The following ATG16L2 variants were observed in gnomAD, a reference collection of about 807,000 sequenced individuals.
ATG16L2 encodes the protein autophagy related 16 like 2.
A neutral mutation model predicts 84.7 loss-of-function variants in ATG16L2; 77 were observed. The observed-to-expected ratio is 0.91, with a 90% confidence interval of 0.76 to 1.10. The LOEUF is 1.10. Ranked by LOEUF, ATG16L2 falls within the 50% of genes least tolerant of loss-of-function variation. The pLI is 0.00. For missense variants in ATG16L2, 782 were observed against 817.6 expected, an observed-to-expected ratio of 0.96 and a Z score of 0.53; for synonymous variants, 361 against 342.8, an observed-to-expected ratio of 1.05 and a Z score of -0.59.
chr11:72,828,041 T>C (rs545152613), intron 14 of ATG16L2, among the ~76,000 whole-genome samples: 2 of 152,392 alleles, frequency 1.3e-5, no homozygotes, highest in Admixed American at 6.5e-5. Context: ...AATTACTGTT[T>C]GCAACCCTTC....
At chr11:72,823,240 C>G (rs370916472) in intron 7 of ATG16L2, 2 of 395,300 alleles carry the variant, frequency 5.1e-6, no homozygotes, top group Non-Finnish European at 9.3e-6. Context: ...ATAGCTGTCA[C>G]CAGGAGAGAA....
At chr11:72,815,018 G>A (rs935342328) in intron 1 of ATG16L2, among the ~76,000 whole-genome samples, 3 of 152,230 alleles carry the variant, frequency 2.0e-5, no homozygotes, top group Non-Finnish European at 2.9e-5. Context: ...TAAGGAGGAG[G>A]CTGTGCATCT....
downstream of ATG16L2, among the ~76,000 whole-genome samples, chr11:72,831,161 GA>G (rs1028753178): frequency 7.2e-5 from 11 of 152,346 alleles, no homozygotes; most frequent in African/African-American, 2.6e-4. Flanking sequence ...TATTTCCTGG[GA>G]TCAGGCCTGG....
At chr11:72,825,225 C>T in intron 9 of ATG16L2, 77 bp from the exon 10 acceptor site, 2 of 1,128,194 alleles carry the variant, frequency 1.8e-6, no homozygotes, top group Admixed American at 1.8e-5. Context: ...TGCACAGGCA[C>T]CGGTAAGAGG....
rs1376326939 is a variant in ATG16L2, at chr11:72,814,467, G to A, written c.22G>A (p.Gly8Ser). 4 of 1,511,790 alleles carry A rather than the reference G, an allele frequency of 2.6e-6. No homozygotes were observed. The highest frequency in any genetic ancestry group is 2.7e-5 in the East Asian group (1 of 37,630). The allele number at this position is 1,511,790 out of a possible 1,614,324, so 93.6% of individuals were successfully genotyped here. A position where few individuals can be genotyped will look rare whatever the true frequency, so the allele number is the denominator to read the frequency against. The change falls in exon 1 of 18, where the codon GGT (glycine) becomes AGT (serine). Residue 8 changes from glycine to serine, a missense_variant. Coordinates refer to ENST00000321297, the MANE Select transcript of ATG16L2 (RefSeq NM_033388.2). ...GGCCATGGCGGGGCCGGGCGTCCCC[G>A]GTGCCCCCGCAGCGCGCTGGAAACG... MAGPGVP[G>S]APAARWKRHI... is the part of the protein sequence containing the mutation.
chr11:72,841,311 T>TCCAGC (rs1251290994), intron 5 of ATG16L2: 6 of 810,578 alleles, frequency 7.4e-6, no homozygotes, highest in Non-Finnish European at 1.1e-5. Flanking sequence ...AGCCTGGGTG[T>TCCAGC]CCAGCCCAGG....
chr11:72,829,106 A>C (rs1860531149), intron 17 of ATG16L2, 122 bp downstream of exon 17: 1 of 1,131,610 alleles, frequency 8.8e-7, no homozygotes, highest in Non-Finnish European at 1.3e-6. Flanking sequence ...ACCCGACCAG[A>C]GCCCTTTGCA....
intron 5 of ATG16L2, chr11:72,837,728 A>C (rs1860774859): frequency 1.3e-5 from 2 of 152,160 alleles, no homozygotes; most frequent in African/African-American, 4.8e-5. Flanking sequence ...GGTTTCCTCC[A>C]CGAGCCACCA....
At chr11:72,827,519 C>T (rs1161458402) in intron 14 of ATG16L2, among the ~76,000 whole-genome samples, 1 of 152,202 alleles carries the variant, frequency 6.6e-6, no homozygotes, top group Non-Finnish European at 1.5e-5. Flanking sequence ...TCCGCCTGGA[C>T]CTTGCAACCA....
In ATG16L2 at chr11:72,824,063, T is replaced by C; in HGVS notation, c.828T>C (p.Ser276=). The C allele has an allele frequency of 6.2e-7, 1 of 1,614,244 alleles. No individual in the cohort carries two copies. The highest frequency in any genetic ancestry group is 8.5e-7 in the Non-Finnish European group (1 of 1,180,028). The change falls in exon 8 of 18, where the codon TCT becomes TCC. Residue 276 remains serine (S), a synonymous_variant. Transcript: ENST00000321297. ...ATCTCTCTTGGTTTTGTCTCAGGTC[T>C]GCCTCAGCCACCTCCCTGACGCTGT... ...ACEKWKRPFR[S]ASATSLTLSH... is the part of the protein sequence containing the mutation.
intron 14 of ATG16L2, among the ~76,000 whole-genome samples, chr11:72,827,822 A>C (rs538040771): frequency 1.3e-5 from 2 of 152,286 alleles, no homozygotes; most frequent in African/African-American, 2.4e-5. Flanking sequence ...AATCGCAGCT[A>C]CTTGGGAGGC....
intron 7 of ATG16L2, chr11:72,823,186 C>A: frequency 2.1e-6 from 1 of 478,370 alleles, no homozygotes; most frequent in Non-Finnish European, 3.7e-6. Flanking sequence ...CCTTTCCCTC[C>A]TTCTTGGGAT....
chr11:72,821,325 G>GATA, intron 3 of ATG16L2: 8 of 1,106,618 alleles, frequency 7.2e-6, no homozygotes, highest in Non-Finnish European at 8.9e-6. Flanking sequence ...TCCTCGCAGT[G>GATA]GTTATGCATG....
chr11:72,835,190 G>A (rs760744047), intron 5 of ATG16L2, among the ~76,000 whole-genome samples: 1 of 152,256 alleles, frequency 6.6e-6, no homozygotes, highest in Non-Finnish European at 1.5e-5. Flanking sequence ...ACCGAAAGCA[G>A]CTTTCACTGG....
chr11:72,820,899 C>T (rs975389428), intron 3 of ATG16L2, among the ~76,000 whole-genome samples: 3 of 152,296 alleles, frequency 2.0e-5, no homozygotes, highest in African/African-American at 7.2e-5. Context: ...CTCACCCACT[C>T]TCCTGGGCTG....
chr11:72,826,128 A>AG (rs1216204742), intron 10 of ATG16L2, 45 bp from the exon 11 acceptor site: 7 of 1,500,108 alleles, frequency 4.7e-6, no homozygotes, highest in Non-Finnish European at 6.4e-6. Context: ...CCATTTTGTG[A>AG]GGTTAAGACC....
At chr11:72,842,504 C>A (rs1293761567) in intron 5 of ATG16L2, 10 of 1,259,818 alleles carry the variant, frequency 7.9e-6, no homozygotes, top group Non-Finnish European at 1.1e-5. Context: ...CACTGGCAAC[C>A]AAGGACCGGT....
chr11:72,822,594 GC>G lies in ATG16L2; in HGVS notation c.710+53del. The G allele has an allele frequency of 1.9e-6, 3 of 1,592,996 alleles. No homozygotes were observed. Among genetic ancestry groups the G allele is most frequent in the Non-Finnish European group, 2.6e-6 (3 of 1,170,680 alleles). ...ACCCTTGCGTTCTGCCTCCCGCCCC[GC>G]CTGCCTGCGGCGACCCAGGCTGCCG... is the stretch of plus-strand genomic sequence containing the variant. On this transcript the variant is annotated intron_variant, in intron 6 of 17. Coordinates refer to ENST00000321297, the MANE Select transcript of ATG16L2 (RefSeq NM_033388.2). The surrounding 1 kb of genome is among the most constrained non-coding windows in gnomAD (Gnocchi z 4.2).
chr11:72,822,791 G>C lies in ATG16L2; in HGVS notation c.711-57G>C. On this transcript the variant is annotated intron_variant, in intron 6 of 17. Transcript: ENST00000321297. This position sits in a 1 kb window ranked among gnomAD's most constrained non-coding sequence, Gnocchi z 4.2. ...CTGTCTTCAGCGTATCCTGTGCTGG[G>C]GTCGGGAGGGGCTGGCTTGGTCCCT... is the stretch of plus-strand genomic sequence containing the variant. The C allele has an allele frequency of 7.5e-7, 1 of 1,326,114 alleles. No homozygotes were observed. The highest frequency in any genetic ancestry group is 1.0e-6 in the Non-Finnish European group (1 of 957,324). The allele number at this position is 1,326,114 out of a possible 1,614,324, so 82.1% of individuals were successfully genotyped here. A position where few individuals can be genotyped will look rare whatever the true frequency, so the allele number is the denominator to read the frequency against.
Sources: gnomAD v4.1 joint callset for allele counts (sites outside exome capture counted in the v4.1 genomes callset) on GRCh38, gnomAD v4.1.1 for gene constraint, Gnocchi (gnomAD v3.1) non-coding constraint, MANE v1.5 for transcripts, NCBI Gene and HGNC (gene_info 2026-07-23, HGNC 2026-07-21) for gene names.